The following ARMC8 variants were observed in gnomAD, a reference collection of about 807,000 sequenced individuals.
ARMC8 encodes armadillo repeat containing 8.
A neutral mutation model predicts 99.3 loss-of-function variants in ARMC8; 20 were observed. That is an observed-to-expected ratio of 0.20 (90% CI 0.14 to 0.29). ARMC8 has a LOEUF of 0.29. Ranked by LOEUF, ARMC8 falls within the 10% of genes least tolerant of loss-of-function variation. The probability of loss-of-function intolerance (pLI) is 1.00; values close to 1 mark genes in which losing one functional copy is unlikely to be tolerated. For missense variants in ARMC8, 569 were observed against 809.5 expected (o/e 0.70, Z 3.60); for synonymous variants, 263 against 278.3 (o/e 0.95, Z 0.55).
intron 12 of ARMC8, among the ~76,000 whole-genome samples, chr3:138,254,791 T>G (rs1017291251): frequency 1.3e-5 from 2 of 152,182 alleles, no homozygotes; most frequent in African/African-American, 4.8e-5. Flanking sequence ...GTAGAGAAGT[T>G]TAGAACTTTC....
chr3:138,212,266 T>C (rs1409579701), intron 2 of ARMC8, among the ~76,000 whole-genome samples: 1 of 152,050 alleles, frequency 6.6e-6, no homozygotes, highest in African/African-American at 2.4e-5. Flanking sequence ...GTCAAGAGAA[T>C]GAAAAGTGGA....
chr3:138,280,148 C>T (rs2049740382), intron 18 of ARMC8, among the ~76,000 whole-genome samples: 1 of 152,106 alleles, frequency 6.6e-6, no homozygotes, highest in Non-Finnish European at 1.5e-5. Context: ...AGCTGATCTG[C>T]CCACCTCGGC....
chr3:138,204,666 G>A (rs1030141842), intron 1 of ARMC8, among the ~76,000 whole-genome samples: 1 of 152,120 alleles, frequency 6.6e-6, no homozygotes, highest in African/African-American at 2.4e-5. Context: ...TATCATCTTA[G>A]CTACACATCA....
chr3:138,224,500 A>G (rs1397721166), intron 5 of ARMC8, among the ~76,000 whole-genome samples: 2 of 152,158 alleles, frequency 1.3e-5, no homozygotes, highest in African/African-American at 4.8e-5. Flanking sequence ...CTGTAATCCT[A>G]GCAGTTTGGG....
At chr3:138,232,207 C>G (rs996217903) in intron 6 of ARMC8, among the ~76,000 whole-genome samples, 1 of 151,660 alleles carries the variant, frequency 6.6e-6, no homozygotes, top group African/African-American at 2.4e-5. Flanking sequence ...AACTCCTGAC[C>G]TCAAGCCATC....
chr3:138,208,796 T>C (rs1042343540), intron 1 of ARMC8, among the ~76,000 whole-genome samples: 2 of 152,090 alleles, frequency 1.3e-5, no homozygotes, highest in African/African-American at 4.8e-5. Flanking sequence ...AAATTAAATA[T>C]TAAAAAAGAG....
At chr3:138,209,347 C>T (rs772433873) in intron 1 of ARMC8, among the ~76,000 whole-genome samples, 3 of 152,168 alleles carry the variant, frequency 2.0e-5, no homozygotes, top group Non-Finnish European at 4.4e-5. Flanking sequence ...TAGGAGTCTT[C>T]TTTCTTTTCT....
At chr3:138,288,844 A>C (rs1321606529) in intron 19 of ARMC8, among the ~76,000 whole-genome samples, 2 of 151,838 alleles carry the variant, frequency 1.3e-5, no homozygotes, top group Admixed American at 6.6e-5. Flanking sequence ...CACTGTGTTA[A>C]TCATCCTAGT....
intron 17 of ARMC8, 94 bp downstream of exon 17, chr3:138,273,210 A>T: frequency 7.8e-7 from 1 of 1,276,406 alleles, no homozygotes. Context: ...ACATCTGCCC[A>T]TGAGTGTGAT....
intron 12 of ARMC8, 114 bp from the exon 13 acceptor site, chr3:138,263,623 ACT>A: frequency 1.1e-6 from 1 of 937,958 alleles, no homozygotes; most frequent in Non-Finnish European, 1.7e-6. Flanking sequence ...AGAGGTAAAA[ACT>A]CTTGCCAAAA....
In ARMC8 at chr3:138,187,346, G is replaced by A. The variant is rs907859631; in HGVS notation, c.-209G>A. 5.6e-6 allele frequency: 3 copies of A among 531,118 alleles called. No individual in the cohort carries two copies. The highest frequency in any genetic ancestry group is 1.0e-5 in the Non-Finnish European group (3 of 297,664). 32.9% of individuals were successfully genotyped at this position (531,118 alleles called of 1,614,324 possible). The stretch of plus-strand genomic sequence containing the variant: ...CTCAGAGTAGCTGCTGTTTCTGAGA[G>A]AACGATTCGTAGGACAGCCCCTGAC... On this transcript the variant is annotated 5_prime_UTR_variant, in exon 1 of 22. Coordinates refer to ENST00000469044, the MANE Select transcript of ARMC8 (RefSeq NM_001363941.2).
intron 1 of ARMC8, among the ~76,000 whole-genome samples, chr3:138,203,124 GACAA>G (rs768056888): frequency 1.1e-4 from 16 of 152,232 alleles, no homozygotes; most frequent in Admixed American, 2.0e-4. Context: ...CACTATTAAA[GACAA>G]ACAAAAGGTG....
chr3:138,250,210 A>T (rs2047060422), intron 12 of ARMC8, among the ~76,000 whole-genome samples: 1 of 152,216 alleles, frequency 6.6e-6, no homozygotes, highest in Non-Finnish European at 1.5e-5. Flanking sequence ...ACAACTGCAG[A>T]TCATTGTAAA....
intron 2 of ARMC8, among the ~76,000 whole-genome samples, chr3:138,218,711 C>T (rs973285289): frequency 1.3e-5 from 2 of 152,086 alleles, no homozygotes; most frequent in Non-Finnish European, 2.9e-5. Context: ...TTGTGAACTC[C>T]TCAGACCAGG....
At chr3:138,200,584 T>A (rs1239652591) in intron 1 of ARMC8, among the ~76,000 whole-genome samples, 1 of 152,268 alleles carries the variant, frequency 6.6e-6, no homozygotes, top group East Asian at 1.9e-4. Flanking sequence ...CCACTAGATA[T>A]CAGTAGCATT....
chr3:138,280,244 GCAAAGAATCAGTTTTTGGTTTCATTGC>G (rs535720218), intron 18 of ARMC8, among the ~76,000 whole-genome samples: 10,659 of 151,766 alleles, frequency 0.07, 428 homozygotes, highest in Middle Eastern at 0.12. Context: ...CAGAGGTTTA[GCAAAGAATCAGTTTTTGGTTTCATTGC>G]CAAAGAATCA....
chr3:138,269,686 G>A (rs2048597065), intron 15 of ARMC8, among the ~76,000 whole-genome samples: 1 of 152,172 alleles, frequency 6.6e-6, no homozygotes, highest in African/African-American at 2.4e-5. Flanking sequence ...CTCAGCGAAA[G>A]ATGAGAGTGG....
chr3:138,251,418 C>CA (rs2108214134), intron 12 of ARMC8, among the ~76,000 whole-genome samples: 1 of 152,238 alleles, frequency 6.6e-6, no homozygotes, highest in African/African-American at 2.4e-5. Flanking sequence ...ACACCTTGTA[C>CA]ATTTTGAAGG....
intron 18 of ARMC8, among the ~76,000 whole-genome samples, chr3:138,283,027 A>G (rs1453547221): frequency 2.0e-5 from 3 of 152,236 alleles, no homozygotes; most frequent in Non-Finnish European, 4.4e-5. Context: ...TCTTGGGCAC[A>G]TAAAGCCCTC....
Sources: gnomAD v4.1 joint callset for allele counts (sites outside exome capture counted in the v4.1 genomes callset) on GRCh38, gnomAD v4.1.1 for gene constraint, MANE v1.5 for transcripts, NCBI Gene and HGNC (gene_info 2026-07-23, HGNC 2026-07-21) for gene names.